The following GRM4 variants were observed in gnomAD, a reference collection of about 807,000 sequenced individuals.
GRM4 encodes the protein metabotropic glutamate receptor 4.
GRM4 carries 28 observed loss-of-function variants against 81.7 expected under a neutral mutation model. The ratio of observed to expected loss-of-function variants is 0.34; its 90% CI spans 0.25 to 0.47. The LOEUF is 0.47. Among genes scored for constraint, GRM4 ranks in the 20% least tolerant of loss-of-function variants. The pLI is 1.00. For synonymous variants in GRM4, 488 were observed against 528.8 expected (o/e 0.92, Z 1.06); for missense variants, 948 against 1,290.0 (o/e 0.73, Z 4.06).
chr6:34,101,948 G>A, intron 2 of GRM4: 7 of 1,450,238 alleles, frequency 4.8e-6, no homozygotes, highest in Non-Finnish European at 6.5e-6. Flanking sequence ...CCAGGGGTAT[G>A]GCCAGGACGT....
intron 3 of GRM4, among the ~76,000 whole-genome samples, chr6:34,065,286 C>A (rs1373020606): frequency 6.6e-6 from 1 of 152,134 alleles, no homozygotes; most frequent in Non-Finnish European, 1.5e-5. Context: ...CTGGGCCACA[C>A]GACTAACACT....
intron 9 of GRM4, among the ~76,000 whole-genome samples, chr6:34,031,988 C>T (rs1005581672): frequency 7.2e-5 from 11 of 152,048 alleles, no homozygotes; most frequent in Non-Finnish European, 7.4e-5. Flanking sequence ...CACAAACACA[C>T]ACACACACAC....
At chr6:34,107,525 G>T (rs149435626) in intron 2 of GRM4, among the ~76,000 whole-genome samples, 1 of 152,308 alleles carries the variant, frequency 6.6e-6, no homozygotes, top group Non-Finnish European at 1.5e-5. Flanking sequence ...GGGGATGAGA[G>T]CCCGGAACAA....
intron 2 of GRM4, among the ~76,000 whole-genome samples, chr6:34,102,860 C>G (rs917536500): frequency 1.2e-4 from 19 of 152,246 alleles, no homozygotes; most frequent in Admixed American, 1.1e-3. Context: ...CCCAAAGCCT[C>G]AGGGCCTTGC....
rs776838103 is a variant in GRM4 at position 34,040,560 on chromosome 6, C to A, written c.1357G>T (p.Val453Phe). Residue 453 changes from valine to phenylalanine, a missense_variant, in exon 7 of 11, where the codon GTC (valine) becomes TTC (phenylalanine). Val to Phe is a conservative substitution (Grantham distance 50). Coordinates refer to ENST00000538487, the MANE Select transcript of GRM4 (RefSeq NM_000841.4). The part of the protein sequence containing the change: ...GTQLLKYIRN[V>F]NFSGIAGNPV... ...ACCACACCCCCACCTGAGAAGTTGACGTTTCGGATGTACTTAAGCAGCTGG... is the reference window on the plus strand; with the variant it reads ...ACCACACCCCCACCTGAGAAGTTGAAGTTTCGGATGTACTTAAGCAGCTGG... 1.7e-5 allele frequency: 28 copies of A among 1,612,926 alleles called. No individual in the cohort carries two copies. The highest frequency in any genetic ancestry group is 2.4e-5 in the Non-Finnish European group (28 of 1,179,456).
At position 34,068,709 on chromosome 6, in the gene GRM4, G is replaced by A. The variant is rs1199978948; in HGVS notation, c.737-6681C>T. On this transcript the variant is annotated intron_variant, in intron 3 of 10. Coordinates refer to ENST00000538487, the MANE Select transcript of GRM4 (RefSeq NM_000841.4). This position sits in a 1 kb window ranked among gnomAD's most constrained non-coding sequence, Gnocchi z 4.2. ...GGCCTCCCGTAAGAGGAGCCGGCTT[G>A]TGCCCTGCCTCACCCACTCCCTGCT... Among the ~76,000 whole-genome samples, 1 of 152,206 alleles carries A rather than the reference G, an allele frequency of 6.6e-6. No individual in the cohort carries two copies. Among genetic ancestry groups the A allele is most frequent in the Non-Finnish European group, 1.5e-5 (1 of 68,032 alleles).
intron 3 of GRM4, among the ~76,000 whole-genome samples, chr6:34,066,042 C>G (rs1254636628): frequency 6.6e-6 from 1 of 152,168 alleles, no homozygotes; most frequent in Non-Finnish European, 1.5e-5. Context: ...CCGACTTATG[C>G]TTGGCCCCAT....
Position 34,044,671 on chromosome 6 carries a change from G to GAC in GRM4, c.1169-3925_1169-3924dup, listed in dbSNP as rs555808028. Among the ~76,000 whole-genome samples, 10 of 72,450 alleles carry GAC rather than the reference G, an allele frequency of 1.4e-4. No individual in the cohort carries two copies. In the South Asian group the frequency reaches 3.1e-3, roughly 22 times the overall value. 47.5% of individuals were successfully genotyped at this position (72,450 alleles called of 152,430 possible). On this transcript the variant is annotated intron_variant, in intron 6 of 10. Transcript: ENST00000538487. ...ATACATACATACACATATATACACA[G>GAC]ACACACACACACAGACATACATACA...
In GRM4 at chr6:34,133,094, G is replaced by A. The variant is rs368604495; in HGVS notation, c.403C>T (p.Arg135Cys). Reference sequence around the variant, plus strand: ...ATGGGTGGGCCGCCACTGCCACAGCGGACCTCTGTGCCATCCTTCTCGATG... The same window carrying A: ...ATGGGTGGGCCGCCACTGCCACAGCAGACCTCTGTGCCATCCTTCTCGATG... Reference protein sequence around the residue: ...ALIEKDGTEVRCGSGGPPIIT... With the variant: ...ALIEKDGTEVCCGSGGPPIIT... Residue 135 changes from arginine (R) to cysteine (C), a missense_variant, in exon 2 of 11, where the codon CGC becomes TGC. Coordinates refer to ENST00000538487, the MANE Select transcript of GRM4 (RefSeq NM_000841.4). The surrounding 1 kb of genome is among the most constrained non-coding windows in gnomAD (Gnocchi z 6.5). The A allele has an allele frequency of 1.7e-5, 28 of 1,613,884 alleles. No individual in the cohort carries two copies. Among genetic ancestry groups the A allele is most frequent in the East Asian group, 2.2e-5 (1 of 44,864 alleles).
intron 2 of GRM4, chr6:34,101,887 C>T (rs1768857149): frequency 4.2e-6 from 3 of 715,764 alleles, no homozygotes; most frequent in Non-Finnish European, 6.8e-6. Flanking sequence ...ACCAACCCCA[C>T]ACGAGGCTGC....
In GRM4 at chr6:34,049,331, C is replaced by T. The variant is rs370091860; in HGVS notation, c.1168+7213G>A. Among the ~76,000 whole-genome samples, 12 of 152,236 alleles carry T rather than the reference C, an allele frequency of 7.9e-5. 1 individual carries two copies. In the South Asian group the frequency reaches 1.2e-3, roughly 16 times the overall value. ...CAGTCACTCCCTCCTCCAGTCCTCT[C>T]TTTATCGCCGCCGGGACACCACGCT... On this transcript the variant is annotated intron_variant, in intron 6 of 10. Transcript: ENST00000538487.
At chr6:34,151,415 T>TCCACATGTCCGGGGGCTGTCAG (rs1210046577) in intron 1 of GRM4, among the ~76,000 whole-genome samples, 1 of 152,242 alleles carries the variant, frequency 6.6e-6, no homozygotes, top group African/African-American at 2.4e-5. Flanking sequence ...CATCTCTCTC[T>TCCACATGTCCGGGGGCTGTCAG]CCACATGTCC....
At chr6:34,062,107 G>A in intron 3 of GRM4, 79 bp from the exon 4 acceptor site, 2 of 1,480,804 alleles carry the variant, frequency 1.4e-6, no homozygotes, top group Non-Finnish European at 1.8e-6. Flanking sequence ...TACACTCCGG[G>A]AGATGGGGGC....
intron 3 of GRM4, among the ~76,000 whole-genome samples, chr6:34,075,575 G>A (rs1767271631): frequency 6.6e-6 from 1 of 152,156 alleles, no homozygotes; most frequent in South Asian, 2.1e-4. Flanking sequence ...CCTCCACTTT[G>A]TGCTGTGGTC....
rs920771954 is a variant in GRM4 at position 34,114,991 on chromosome 6, C to T, written c.519+17987G>A. 6.6e-6 allele frequency among the ~76,000 whole-genome samples: 1 copy of T among 152,194 alleles called. No individual in the cohort carries two copies. The highest frequency in any genetic ancestry group is 2.4e-5 in the African/African-American group (1 of 41,444). ...TGTCCATTAAGAGAAGCCTTTCCTC[C>T]AGGTTGCCAGCATCTCAGGCTGGTC... On this transcript the variant is annotated intron_variant, in intron 2 of 10. Coordinates refer to ENST00000538487, the MANE Select transcript of GRM4 (RefSeq NM_000841.4). The surrounding 1 kb of genome is among the most constrained non-coding windows in gnomAD (Gnocchi z 4.3).
chr6:34,024,248 A>G (rs2127433730), intron 10 of GRM4: 1 of 170,236 alleles, frequency 5.9e-6, no homozygotes, highest in South Asian at 1.6e-4. Flanking sequence ...TGAAATACAC[A>G]TGGAAGGACT....
chr6:34,061,665 G>A (rs1356526035), intron 4 of GRM4: 3 of 462,380 alleles, frequency 6.5e-6, no homozygotes, highest in African/African-American at 5.8e-5. Flanking sequence ...CCTAGCAGGT[G>A]GAATGGATGC....
intron 2 of GRM4, among the ~76,000 whole-genome samples, chr6:34,095,691 A>G (rs1768482033): frequency 6.7e-6 from 1 of 150,090 alleles, no homozygotes; most frequent in African/African-American, 2.5e-5. Context: ...ACCTCCTAGG[A>G]CTCTCCCTCT....
chr6:34,115,973 T>C lies in GRM4; in HGVS notation c.519+17005A>G, dbSNP rs1386871125. 6.6e-6 allele frequency among the ~76,000 whole-genome samples: 1 copy of C among 152,228 alleles called. No homozygotes were observed. The highest frequency in any genetic ancestry group is 2.4e-5 in the African/African-American group (1 of 41,460). On this transcript the variant is annotated intron_variant, in intron 2 of 10. Transcript: ENST00000538487. The surrounding 1 kb of genome is among the most constrained non-coding windows in gnomAD (Gnocchi z 4.1). ...TTTAATTACATACAAGTGGGTTTTC[T>C]GCGGCCTCGCCACCCCTATCCAACC...
Sources: allele counts gnomAD v4.1 joint callset (sites outside exome capture counted in the v4.1 genomes callset), GRCh38; gene constraint gnomAD v4.1.1; non-coding constraint Gnocchi (gnomAD v3.1); transcripts MANE v1.5; gene names NCBI Gene and HGNC (gene_info 2026-07-23, HGNC 2026-07-21).